SLC25A48: variants seen among roughly 807,000 people sequenced by gnomAD.
SLC25A48 encodes solute carrier family 25 member 48.
Under a neutral mutation model 32.2 loss-of-function variants are expected in SLC25A48, and 29 were observed. The observed-to-expected ratio is 0.90, with a 90% CI of 0.67 to 1.23. The LOEUF (loss-of-function observed/expected upper bound fraction) is 1.23, where lower values mean the gene tolerates loss of function less well. SLC25A48 is among the 50% of genes most tolerant of loss of function. The pLI is 0.00. For synonymous variants in SLC25A48, 164 were observed against 172.3 expected, an observed-to-expected ratio of 0.95 and a Z score of 0.38; for missense variants, 399 against 422.7, an observed-to-expected ratio of 0.94 and a Z score of 0.49.
At chr5:135,627,230 T>G (rs1312490966) in intron 1 of SLC25A48, among the ~76,000 whole-genome samples, 2 of 152,138 alleles carry the variant, frequency 1.3e-5, no homozygotes, top group Non-Finnish European at 2.9e-5. Flanking sequence ...CTGTCTATGT[T>G]GGGCCAATAG....
intron 3 of SLC25A48, among the ~76,000 whole-genome samples, chr5:135,730,157 T>A (rs912586463): frequency 1.3e-5 from 2 of 152,232 alleles, no homozygotes; most frequent in African/African-American, 2.4e-5. Flanking sequence ...TTTTTCTTTA[T>A]GACTATTCTC....
intron 2 of SLC25A48, among the ~76,000 whole-genome samples, chr5:135,630,654 T>C (rs770978367): frequency 8.0e-6 from 1 of 125,586 alleles, no homozygotes; most frequent in Non-Finnish European, 1.6e-5. Context: ...CAGGCTGGAG[T>C]GCAGTGGAGT....
chr5:135,751,247 T>C (rs145715763), intron 3 of SLC25A48, among the ~76,000 whole-genome samples: 1 of 152,354 alleles, frequency 6.6e-6, no homozygotes, highest in African/African-American at 2.4e-5. Flanking sequence ...CTCCTTCTCC[T>C]GGGCCTGCAA....
At chr5:135,850,864 G>A (rs1416337763) in intron 3 of SLC25A48, among the ~76,000 whole-genome samples, 3 of 152,116 alleles carry the variant, frequency 2.0e-5, no homozygotes, top group African/African-American at 4.8e-5. Context: ...TATCTGGCCC[G>A]GCCGGAGCCA....
chr5:135,724,814 C>G (rs1426496690), intron 3 of SLC25A48, among the ~76,000 whole-genome samples: 1 of 152,210 alleles, frequency 6.6e-6, no homozygotes, highest in Non-Finnish European at 1.5e-5. Flanking sequence ...TTGGAACAGG[C>G]TGGTGCCATC....
In SLC25A48 at chr5:135,590,351, G is replaced by A. The variant is rs116353144; in HGVS notation, c.-849+10754G>A. Among the ~76,000 whole-genome samples, 402 of 152,246 alleles carry A rather than the reference G, an allele frequency of 2.6e-3. 1 individual carries two copies. Among genetic ancestry groups the A allele is most frequent in the African/African-American group, 9.3e-3 (385 of 41,554 alleles). On this transcript the variant is annotated intron_variant, in intron 1 of 10. Coordinates refer to the SLC25A48 transcript ENST00000646290. ...AGTTGGAGAACCCTGAAGAGCTGGA[G>A]GAGGGCCTTTCCCACACCATCCCTG...
intron 3 of SLC25A48, among the ~76,000 whole-genome samples, chr5:135,773,442 G>A (rs779311529): frequency 2.6e-5 from 4 of 151,402 alleles, no homozygotes; most frequent in Non-Finnish European, 4.4e-5. Flanking sequence ...AATAACGCAG[G>A]GGGTGTACAC....
intron 1 of SLC25A48, among the ~76,000 whole-genome samples, chr5:135,617,704 C>T (rs1180745269): frequency 6.6e-6 from 1 of 151,592 alleles, no homozygotes; most frequent in African/African-American, 2.4e-5. Context: ...TTAATTTCTT[C>T]CTTGACCCAG....
chr5:135,756,270 T>G (rs1205153623), intron 3 of SLC25A48, among the ~76,000 whole-genome samples: 1 of 149,850 alleles, frequency 6.7e-6, no homozygotes, highest in Non-Finnish European at 1.5e-5. Flanking sequence ...GTTAACACTA[T>G]GATATTAAGA....
intron 3 of SLC25A48, among the ~76,000 whole-genome samples, chr5:135,693,764 G>A (rs1028356487): frequency 6.6e-6 from 1 of 152,184 alleles, no homozygotes. Context: ...AAAAAGGAGG[G>A]GGTCTGAGGG....
rs542801897 is a variant in SLC25A48, at chr5:135,678,938, G to A, written c.-521+43982G>A. Among the ~76,000 whole-genome samples, 5 of 152,276 alleles carry A rather than the reference G, an allele frequency of 3.3e-5. No individual in the cohort carries two copies. The South Asian group carries it at 8.3e-4, about 25-fold the overall frequency. ...GTGGTTACAGTCACAGGCTGAACATGTCTGTCCTTGGGCTCCAGGACAGTG... is the reference window on the plus strand; with the variant it reads ...GTGGTTACAGTCACAGGCTGAACATATCTGTCCTTGGGCTCCAGGACAGTG... On this transcript the variant is annotated intron_variant, in intron 3 of 10. Coordinates refer to the SLC25A48 transcript ENST00000646290.
At chr5:135,823,839 A>G (rs1467214898) in intron 4 of SLC25A48, among the ~76,000 whole-genome samples, 1 of 152,246 alleles carries the variant, frequency 6.6e-6, no homozygotes. Flanking sequence ...CAGAAGCATT[A>G]GCCCATGCAG....
intron 4 of SLC25A48, among the ~76,000 whole-genome samples, chr5:135,823,021 G>A (rs1157574141): frequency 1.3e-5 from 2 of 152,100 alleles, no homozygotes; most frequent in African/African-American, 4.8e-5. Context: ...GGGCCAGTAG[G>A]CACTTACCAA....
chr5:135,644,617 G>T (rs994636708), intron 3 of SLC25A48, among the ~76,000 whole-genome samples: 3 of 152,114 alleles, frequency 2.0e-5, no homozygotes, highest in Non-Finnish European at 4.4e-5. Flanking sequence ...ACTGAAGCTC[G>T]GAGAGGTTAA....
At chr5:135,817,895 TC>T (rs1757767171) in intron 4 of SLC25A48, among the ~76,000 whole-genome samples, 1 of 152,150 alleles carries the variant, frequency 6.6e-6, no homozygotes, top group Non-Finnish European at 1.5e-5. Context: ...TGGCCCATTT[TC>T]CCACTTACTA....
At chr5:135,704,751 C>T (rs1006102474) in intron 3 of SLC25A48, among the ~76,000 whole-genome samples, 1 of 152,186 alleles carries the variant, frequency 6.6e-6, no homozygotes, top group Non-Finnish European at 1.5e-5. Flanking sequence ...GCCAGCATAA[C>T]ACGTTAATAA....
intron 1 of SLC25A48, among the ~76,000 whole-genome samples, chr5:135,579,890 C>T (rs1323342533): frequency 6.6e-6 from 1 of 152,208 alleles, no homozygotes; most frequent in Non-Finnish European, 1.5e-5. Flanking sequence ...CAGAAATTCC[C>T]TCCTCACTAC....
At chr5:135,733,903 AGTAT>A (rs1298009451) in intron 3 of SLC25A48, among the ~76,000 whole-genome samples, 1 of 151,744 alleles carries the variant, frequency 6.6e-6, no homozygotes, top group Non-Finnish European at 1.5e-5. Flanking sequence ...GATAGAGGAG[AGTAT>A]ATGGGTTTGG....
Position 135,849,871 on chromosome 5 carries a change from G to A in SLC25A48, c.91-554G>A, listed in dbSNP as rs1433325315. Among the ~76,000 whole-genome samples the A allele has an allele frequency of 2.6e-5, 4 of 152,104 alleles. No individual in the cohort carries two copies. In the East Asian group the frequency reaches 5.8e-4, roughly 22 times the overall value. ...AGAGACAGGTGCCTCCCAGGCTCAG[G>A]GAGAATGCAGAATTTATCCTACATT... On this transcript the variant is annotated intron_variant, in intron 2 of 7. Coordinates refer to ENST00000681962, the MANE Select transcript of SLC25A48 (RefSeq NM_001349336.2).
Sources: gnomAD v4.1 joint callset for allele counts (sites outside exome capture counted in the v4.1 genomes callset) on GRCh38, gnomAD v4.1.1 for gene constraint, MANE v1.5 for transcripts, NCBI Gene and HGNC (gene_info 2026-07-23, HGNC 2026-07-21) for gene names.